MYB: variants seen among roughly 807,000 people sequenced by gnomAD.
The protein encoded by MYB is transcriptional activator Myb.
MYB carries 28 observed loss-of-function variants against 92.9 expected under a neutral mutation model. That is an observed-to-expected ratio of 0.30 (90% CI 0.22 to 0.41). The LOEUF (loss-of-function observed/expected upper bound fraction) is 0.41, where lower values mean the gene tolerates loss of function less well. MYB is among the 10% of genes least tolerant of loss of function. The probability of loss-of-function intolerance (pLI) is 1.00; values close to 1 mark genes in which losing one functional copy is unlikely to be tolerated. For synonymous variants in MYB, 295 were observed against 329.1 expected, an observed-to-expected ratio of 0.90 and a Z score of 1.12; for missense variants, 679 against 929.3, an observed-to-expected ratio of 0.73 and a Z score of 3.50.
At chr6:135,216,320 A>AT (rs948656800) in intron 15 of MYB, among the ~76,000 whole-genome samples, 5 of 152,106 alleles carry the variant, frequency 3.3e-5, no homozygotes, top group East Asian at 3.9e-4. Context: ...TTACCATATA[A>AT]TTTTTTTTAT....
chr6:135,201,561 G>A (rs1048438064), intron 13 of MYB, 78 bp from the exon 14 acceptor site: 64 of 888,636 alleles, frequency 7.2e-5, no homozygotes, highest in Non-Finnish European at 1.0e-4. Flanking sequence ...TTGAGGGACT[G>A]GCCAGAAATA....
intron 15 of MYB, among the ~76,000 whole-genome samples, chr6:135,217,419 A>G (rs1441552914): frequency 1.3e-5 from 2 of 152,152 alleles, no homozygotes; most frequent in Non-Finnish European, 2.9e-5. Flanking sequence ...TTTCTAAAGT[A>G]ATTGATGAAA....
intron 11 of MYB, among the ~76,000 whole-genome samples, 181 bp downstream of exon 11, chr6:135,199,231 G>A (rs1204617386): frequency 3.3e-5 from 5 of 152,078 alleles, no homozygotes; most frequent in Admixed American, 3.3e-4. Flanking sequence ...CTACCTACAG[G>A]TAGAAGATGG....
At chr6:135,215,841 G>A (rs1255455542) in intron 15 of MYB, among the ~76,000 whole-genome samples, 2 of 151,900 alleles carry the variant, frequency 1.3e-5, no homozygotes, top group Non-Finnish European at 2.9e-5. Flanking sequence ...TCTTCCCATG[G>A]ACAACACCAC....
chr6:135,190,875 C>T lies in MYB; in HGVS notation c.527+528C>T, dbSNP rs1776541041. On this transcript the variant is annotated intron_variant, in intron 5 of 15. Coordinates refer to ENST00000341911, the MANE Select transcript of MYB (RefSeq NM_001130173.2). The surrounding 1 kb of genome is among the most constrained non-coding windows in gnomAD (Gnocchi z 4.5). ...GCAGTGGCATGATCATAGCTCAATA[C>T]ATCCTTGAACTCCTGGGCTCAAGGG... Among the ~76,000 whole-genome samples the T allele has an allele frequency of 6.6e-6, 1 of 152,190 alleles. No individual in the cohort carries two copies. The highest frequency in any genetic ancestry group is 2.1e-4 in the South Asian group (1 of 4,828).
Position 135,201,746 on chromosome 6 carries a change from A to G in MYB, c.2058A>G (p.Ala686=). Reference sequence around the variant, plus strand: ...CGCAGACCTCGCCTGTGGCAGATGCACCGGTAAGTACGTGTGCACCAGCCC... The same window carrying G: ...CGCAGACCTCGCCTGTGGCAGATGCGCCGGTAAGTACGTGTGCACCAGCCC... The part of the protein sequence containing the change: ...LFTQTSPVAD[A]PNILTSSVLM... Residue 686 remains alanine, a synonymous_variant, in exon 14 of 16, where the codon GCA becomes GCG. Coordinates refer to ENST00000341911, the MANE Select transcript of MYB (RefSeq NM_001130173.2). 1 of 1,475,656 alleles carries G rather than the reference A, an allele frequency of 6.8e-7. No individual in the cohort carries two copies. The highest frequency in any genetic ancestry group is 1.4e-5 in the African/African-American group (1 of 70,332). The allele number at this position is 1,475,656 out of a possible 1,614,324, so 91.4% of individuals were successfully genotyped here.
rs370405362 is a variant in MYB, at chr6:135,197,301, G to T, written c.1544G>T (p.Ser515Ile). 35 of 1,612,370 alleles carry T rather than the reference G, an allele frequency of 2.2e-5. No homozygotes were observed. In the South Asian group the frequency reaches 3.5e-4, roughly 16 times the overall value. Residue 515 changes from serine (S) to isoleucine (I), a missense_variant, in exon 10 of 16, where the codon AGC becomes ATC. By Grantham distance (142) the Ser-to-Ile change is moderately radical. Transcript: ENST00000341911. Reference protein sequence around the residue: ...SSTPKRSPVKSLPFSPSQFLN... With the variant: ...SSTPKRSPVKILPFSPSQFLN... ...ACTCCCAAGCGTTCCCCTGTCAAAA[G>T]CCTACCCTTCTCTCCCTCGCAGGTA...
rs374299478 is a variant in MYB at position 135,203,777 on chromosome 6, A to G, written c.2169+453A>G. On this transcript the variant is annotated intron_variant, in intron 15 of 15. Coordinates refer to ENST00000341911, the MANE Select transcript of MYB (RefSeq NM_001130173.2). ...AAGTCTGAAATTAGTCAGACAGAAAATAATTGCAATGTATTTGACTGTCAG... is the reference window on the plus strand; with the variant it reads ...AAGTCTGAAATTAGTCAGACAGAAAGTAATTGCAATGTATTTGACTGTCAG... 153 of 1,318,380 alleles carry G rather than the reference A, an allele frequency of 1.2e-4. No individual in the cohort carries two copies. In the African/African-American group the frequency reaches 2.1e-3, roughly 18 times the overall value. The allele number at this position is 1,318,380 out of a possible 1,614,324, so 81.7% of individuals were successfully genotyped here.
chr6:135,190,576 C>T lies in MYB; in HGVS notation c.527+229C>T, dbSNP rs1776498581. Among the ~76,000 whole-genome samples the T allele has an allele frequency of 6.6e-6, 1 of 152,132 alleles. No individual in the cohort carries two copies. Among genetic ancestry groups the T allele is most frequent in the South Asian group, 2.1e-4 (1 of 4,828 alleles). On this transcript the variant is annotated intron_variant, in intron 5 of 15. Transcript: ENST00000341911. The surrounding 1 kb of genome is among the most constrained non-coding windows in gnomAD (Gnocchi z 4.5). ...CCTGGGTGAAGACATTTAGCTTTCC[C>T]CAGCCTCAATTTCCCCATTTCCAAA...
chr6:135,195,577 T>C (rs912803445), intron 8 of MYB, 171 bp from the exon 9 acceptor site: 6 of 681,102 alleles, frequency 8.8e-6, no homozygotes, highest in South Asian at 3.9e-5. Flanking sequence ...GGGTCTTGCA[T>C]TGATAAAAGG....
intron 2 of MYB, among the ~76,000 whole-genome samples, chr6:135,187,483 C>T (rs995213030): frequency 5.3e-5 from 8 of 152,088 alleles, no homozygotes; most frequent in Non-Finnish European, 8.8e-5. Flanking sequence ...TGCAAAATTG[C>T]CTCATGTAAT....
chr6:135,202,994 A>T, intron 14 of MYB: 1 of 701,320 alleles, frequency 1.4e-6, no homozygotes, highest in Non-Finnish European at 2.6e-6. Flanking sequence ...GGGATCCCAA[A>T]GGAGCTTTGT....
chr6:135,206,021 C>T (rs896170464), intron 15 of MYB, among the ~76,000 whole-genome samples: 51 of 151,320 alleles, frequency 3.4e-4, no homozygotes, highest in African/African-American at 6.5e-4. Context: ...CTGGCTAACA[C>T]GGTGAAACCC....
chr6:135,211,095 G>A (rs1037472641), intron 15 of MYB, among the ~76,000 whole-genome samples: 1 of 151,050 alleles, frequency 6.6e-6, no homozygotes, highest in African/African-American at 2.4e-5. Flanking sequence ...CTGATTTACT[G>A]GTTTTCTCTA....
At chr6:135,200,519 C>A (rs1204412329) in intron 13 of MYB, 104 bp downstream of exon 13, 6 of 1,512,674 alleles carry the variant, frequency 4.0e-6, no homozygotes, top group East Asian at 2.3e-5. Flanking sequence ...AACACCACGA[C>A]TTTTCGTGCA....
chr6:135,195,737 C>T lies in MYB; in HGVS notation c.949-11C>T, dbSNP rs574505048. On this transcript the variant is annotated splice_polypyrimidine_tract_variant and intron_variant, in intron 8 of 15. Transcript: ENST00000341911. Reference sequence around the variant, plus strand: ...CCTCTCTTTATTTCTACACCCTTCCCCCTTCCTTAGACACAGAACCACACA... The same window carrying T: ...CCTCTCTTTATTTCTACACCCTTCCTCCTTCCTTAGACACAGAACCACACA... 2 of 1,613,338 alleles carry T rather than the reference C, an allele frequency of 1.2e-6. No homozygotes were observed. Among genetic ancestry groups the T allele is most frequent in the East Asian group, 4.5e-5 (2 of 44,858 alleles).
intron 15 of MYB, among the ~76,000 whole-genome samples, chr6:135,207,262 A>G (rs977720615): frequency 1.3e-5 from 2 of 152,232 alleles, no homozygotes; most frequent in African/African-American, 4.8e-5. Context: ...CATTTTTGTC[A>G]TAATGTTTTT....
chr6:135,196,889 C>G (rs1323690900), intron 9 of MYB, 72 bp from the exon 10 acceptor site: 20 of 1,585,390 alleles, frequency 1.3e-5, no homozygotes, highest in Non-Finnish European at 1.6e-5. Context: ...TTGAGCATCT[C>G]TCTCTCAGTG....
At chr6:135,213,014 T>C (rs1393611714) in intron 15 of MYB, among the ~76,000 whole-genome samples, 2 of 152,218 alleles carry the variant, frequency 1.3e-5, no homozygotes, top group African/African-American at 4.8e-5. Context: ...GACATAGGCA[T>C]ATGTCTACTC....
Sources: gnomAD v4.1 joint callset for allele counts (sites outside exome capture counted in the v4.1 genomes callset) on GRCh38, gnomAD v4.1.1 for gene constraint, Gnocchi (gnomAD v3.1) non-coding constraint, MANE v1.5 for transcripts, NCBI Gene and HGNC (gene_info 2026-07-23, HGNC 2026-07-21) for gene names.